The following GRID1 variants were observed in gnomAD, a reference collection of about 807,000 sequenced individuals.
GRID1 encodes glutamate receptor ionotropic, delta-1.
Under a neutral mutation model 98.0 loss-of-function variants are expected in GRID1, and 28 were observed. That is an observed-to-expected ratio of 0.29 (90% CI 0.21 to 0.39). The LOEUF (loss-of-function observed/expected upper bound fraction) is 0.39. Among genes scored for constraint, GRID1 ranks in the 10% least tolerant of loss-of-function variants. The pLI, the probability that GRID1 is intolerant of heterozygous loss-of-function variation, is 1.00. For missense variants in GRID1, 1,111 were observed against 1,340.5 expected (o/e 0.83, Z 2.67); for synonymous variants, 553 against 538.5 (o/e 1.03, Z -0.37).
chr10:85,860,389 G>T (rs1422179498), intron 6 of GRID1, among the ~76,000 whole-genome samples: 1 of 152,188 alleles, frequency 6.6e-6, no homozygotes, highest in African/African-American at 2.4e-5. Context: ...AAGGCCATGG[G>T]CATGGCAGAG....
At position 86,195,817 on chromosome 10, in the gene GRID1, G is replaced by A. The variant is rs1845864117; in HGVS notation, c.520+10547C>T. Among the ~76,000 whole-genome samples, 1 of 152,008 alleles carries A rather than the reference G, an allele frequency of 6.6e-6. No individual in the cohort carries two copies. Among genetic ancestry groups the A allele is most frequent in the African/African-American group, 2.4e-5 (1 of 41,400 alleles). ...CCAGAGCCTTCCACAGAAAATACGG[G>A]GCAGGCAGCTGCCACCTGGATCAAA... is the stretch of plus-strand genomic sequence containing the variant. On this transcript the variant is annotated intron_variant, in intron 3 of 15. Coordinates refer to ENST00000327946, the MANE Select transcript of GRID1 (RefSeq NM_017551.3). The surrounding 1 kb of genome is among the most constrained non-coding windows in gnomAD (Gnocchi z 4.4).
chr10:85,991,864 GGGA>G (rs149442265), intron 4 of GRID1, among the ~76,000 whole-genome samples: 20,409 of 152,134 alleles, frequency 0.13, 1,508 homozygotes, highest in East Asian at 0.18. Context: ...TGGAAAATGT[GGGA>G]GGAGGGTTGC....
chr10:86,080,435 AG>A (rs1843956972), intron 4 of GRID1, among the ~76,000 whole-genome samples: 3 of 12,966 alleles, frequency 2.3e-4, no homozygotes, highest in African/African-American at 1.9e-3. Context: ...AGGGGAGGGG[AG>A]GGGAGGGGAG....
intron 2 of GRID1, among the ~76,000 whole-genome samples, chr10:86,212,909 G>C (rs571629096): frequency 1.3e-5 from 2 of 152,232 alleles, no homozygotes; most frequent in East Asian, 1.9e-4. Context: ...AAATGGTGGG[G>C]GGATGGGTGG....
At chr10:85,939,449 G>A (rs79865289) in intron 4 of GRID1, among the ~76,000 whole-genome samples, 2,190 of 152,270 alleles carry the variant, frequency 0.014, 26 homozygotes, top group Middle Eastern at 0.027. Context: ...ACAGGGCTGC[G>A]TTCCTGTCTA....
intron 2 of GRID1, among the ~76,000 whole-genome samples, chr10:86,285,441 C>G (rs1847417469): frequency 6.6e-6 from 1 of 152,244 alleles, no homozygotes; most frequent in Non-Finnish European, 1.5e-5. Flanking sequence ...CAGCCACCGC[C>G]TGTCACAGAA....
At chr10:86,319,065 A>G (rs1564737618) in intron 2 of GRID1, among the ~76,000 whole-genome samples, 1 of 152,202 alleles carries the variant, frequency 6.6e-6, no homozygotes, top group Admixed American at 6.5e-5. Flanking sequence ...GGTGGGGGGA[A>G]CTGGGAGTGC....
intron 6 of GRID1, among the ~76,000 whole-genome samples, chr10:85,857,969 T>C (rs896446202): frequency 1.3e-5 from 2 of 152,182 alleles, no homozygotes; most frequent in South Asian, 2.1e-4. Flanking sequence ...CTCCAGCAAC[T>C]GAAGCTGAAG....
Position 85,599,802 on chromosome 10 carries a change from A to ATATATATATAT in GRID1, c.*2470_*2471insATATATATATA, listed in dbSNP as rs1554857296. 9.2e-5 allele frequency: 6 copies of ATATATATATAT among 64,986 alleles called. No individual in the cohort carries two copies. The highest frequency in any genetic ancestry group is 1.9e-4 in the African/African-American group (2 of 10,732). 4.0% of individuals were successfully genotyped at this position (64,986 alleles called of 1,614,324 possible). On this transcript the variant is annotated 3_prime_UTR_variant, in exon 16 of 16. Transcript: ENST00000327946. ...GTAGAAAATTCTAAAAAAAAAAAAA[A>ATATATATATAT]ATATATATATATATATATAAACATG...
chr10:85,641,148 T>G (rs193061910), intron 13 of GRID1, among the ~76,000 whole-genome samples: 15 of 152,318 alleles, frequency 9.8e-5, no homozygotes, highest in Middle Eastern at 6.8e-3. Context: ...AGGTCAGCCC[T>G]GGCACTGGGC....
intron 3 of GRID1, among the ~76,000 whole-genome samples, chr10:86,191,096 T>C (rs957937921): frequency 6.6e-6 from 1 of 152,186 alleles, no homozygotes; most frequent in South Asian, 2.1e-4. Flanking sequence ...GCCTGTTACA[T>C]GCATTTGATG....
At chr10:85,705,871 T>C (rs1324966631) in intron 12 of GRID1, among the ~76,000 whole-genome samples, 1 of 152,164 alleles carries the variant, frequency 6.6e-6, no homozygotes. Flanking sequence ...CACATGATTA[T>C]CCCAATAGAT....
At chr10:86,357,303 A>G (rs1848546155) in intron 2 of GRID1, among the ~76,000 whole-genome samples, 1 of 152,242 alleles carries the variant, frequency 6.6e-6, no homozygotes, top group Admixed American at 6.5e-5. Context: ...CCTGTCAGAA[A>G]GGACAGTATC....
intron 4 of GRID1, among the ~76,000 whole-genome samples, chr10:85,957,427 C>A (rs578113663): frequency 6.6e-6 from 1 of 152,172 alleles, no homozygotes; most frequent in African/African-American, 2.4e-5. Context: ...ATTTAAGTGG[C>A]CAGGTTAGGT....
Position 85,675,485 on chromosome 10 carries a change from C to T in GRID1, c.1998-28088G>A, listed in dbSNP as rs577731673. Among the ~76,000 whole-genome samples the T allele has an allele frequency of 3.0e-4, 45 of 152,290 alleles. 1 individual carries two copies. In the South Asian group the frequency reaches 7.3e-3, roughly 25 times the overall value. The stretch of plus-strand genomic sequence containing the variant: ...GCTTTCAGGAATGACAGACATCTTA[C>T]GTGTATCACTTGGGGAATTCATTGA... On this transcript the variant is annotated intron_variant, in intron 12 of 15. Transcript: ENST00000327946.
chr10:85,753,541 G>C (rs896958803), intron 8 of GRID1, among the ~76,000 whole-genome samples: 11 of 152,224 alleles, frequency 7.2e-5, no homozygotes, highest in African/African-American at 2.7e-4. Context: ...AAAGGGTCTT[G>C]GTGACTGTAA....
At chr10:86,127,819 C>A (rs1285212082) in intron 4 of GRID1, among the ~76,000 whole-genome samples, 1 of 152,184 alleles carries the variant, frequency 6.6e-6, no homozygotes, top group Non-Finnish European at 1.5e-5. Flanking sequence ...GCCACTGATA[C>A]CTCCCAATGT....
At chr10:85,873,321 T>C (rs1396836623) in intron 5 of GRID1, among the ~76,000 whole-genome samples, 3 of 152,186 alleles carry the variant, frequency 2.0e-5, no homozygotes, top group Non-Finnish European at 4.4e-5. Flanking sequence ...GTGCAGCCAA[T>C]GAGCAGAAGA....
intron 4 of GRID1, among the ~76,000 whole-genome samples, chr10:85,944,126 C>A (rs1842027040): frequency 6.6e-6 from 1 of 152,188 alleles, no homozygotes; most frequent in Non-Finnish European, 1.5e-5. Flanking sequence ...CCTAACTGAC[C>A]AGTAGCTGAC....
Sources: allele counts gnomAD v4.1 joint callset (sites outside exome capture counted in the v4.1 genomes callset), GRCh38; gene constraint gnomAD v4.1.1; non-coding constraint Gnocchi (gnomAD v3.1); transcripts MANE v1.5; gene names NCBI Gene and HGNC (gene_info 2026-07-23, HGNC 2026-07-21).